Variants in TTC23L observed in about 807,000 individuals in gnomAD.
TTC23L encodes the protein tetratricopeptide repeat domain 23 like, also known as tetratricopeptide repeat protein 23-like.
A neutral mutation model predicts 48.1 loss-of-function variants in TTC23L; 42 were observed. The ratio of observed to expected loss-of-function variants is 0.87; its 90% CI spans 0.68 to 1.13. TTC23L has a LOEUF of 1.13. TTC23L is among the 50% of genes most tolerant of loss of function. The pLI is 0.00. For synonymous variants in TTC23L, 159 were observed against 157.2 expected (o/e 1.01, Z -0.09); for missense variants, 391 against 421.0 (o/e 0.93, Z 0.62).
intron 2 of TTC23L, among the ~76,000 whole-genome samples, chr5:34,845,087 A>T (rs187158836): frequency 6.6e-6 from 1 of 152,334 alleles, no homozygotes; most frequent in East Asian, 1.9e-4. Flanking sequence ...CCTGTCCTGG[A>T]GCTAATGATA....
rs559219208 is a variant in TTC23L at position 34,839,562 on chromosome 5, T to C, written c.-8+303T>C. The C allele has an allele frequency of 8.9e-4, 799 of 898,454 alleles. 3 individuals are homozygous for C. The highest frequency in any genetic ancestry group is 6.2e-3 in the South Asian group (122 of 19,626). 55.7% of individuals were successfully genotyped at this position (898,454 alleles called of 1,614,324 possible). On this transcript the variant is annotated intron_variant, in intron 1 of 10. Coordinates refer to ENST00000505624, the Ensembl canonical transcript of TTC23L. ...GGGAGTTTGAGAGATCAGAACTCTT[T>C]GCTGTGGGCATAGTGTTTAAAGTGG...
chr5:34,840,241 G>GC (rs937053351), intron 1 of TTC23L, among the ~76,000 whole-genome samples: 3 of 142,788 alleles, frequency 2.1e-5, no homozygotes, highest in South Asian at 2.4e-4. Flanking sequence ...TGACCCCGGG[G>GC]GGGGGGGGGA....
At chr5:34,882,566 C>G (rs1762290133) in intron 9 of TTC23L, among the ~76,000 whole-genome samples, 1 of 149,904 alleles carries the variant, frequency 6.7e-6, no homozygotes, top group East Asian at 2.0e-4. Flanking sequence ...CTAGGCCTGT[C>G]CTAGAGGACC....
the TTC23L span, chr5:34,918,240 A>G: frequency 1.9e-6 from 1 of 523,782 alleles, no homozygotes; most frequent in Non-Finnish European, 3.4e-6. Context: ...ACTTGAGCCC[A>G]GGAACTTGAA....
At chr5:34,890,304 G>C (rs962707962) in intron 9 of TTC23L, among the ~76,000 whole-genome samples, 1 of 151,740 alleles carries the variant, frequency 6.6e-6, no homozygotes, top group Non-Finnish European at 1.5e-5. Context: ...AATTAGCCAG[G>C]TGTGGTGGCA....
At chr5:34,910,617 AG>A in the TTC23L span, among the ~76,000 whole-genome samples, 1 of 151,970 alleles carries the variant, frequency 6.6e-6, no homozygotes, top group African/African-American at 2.4e-5. Context: ...TAGTAGAGAC[AG>A]GGTTTCACCA....
intron 9 of TTC23L, among the ~76,000 whole-genome samples, chr5:34,893,293 G>A (rs926838260): frequency 2.0e-5 from 3 of 152,140 alleles, no homozygotes; most frequent in Non-Finnish European, 4.4e-5. Flanking sequence ...AATCTTGGAG[G>A]ATTTCTAGGG....
intron 4 of TTC23L, among the ~76,000 whole-genome samples, 170 bp downstream of exon 4, chr5:34,850,478 G>C (rs530765957): frequency 6.6e-6 from 1 of 152,220 alleles, no homozygotes; most frequent in South Asian, 2.1e-4. Context: ...AAGGATCTAA[G>C]TAATAAAGAT....
the TTC23L span, among the ~76,000 whole-genome samples, chr5:34,924,643 A>T: frequency 2.0e-5 from 3 of 152,252 alleles, no homozygotes; most frequent in Non-Finnish European, 1.5e-5. Context: ...AACTCACTGA[A>T]AAAACATTTT....
chr5:34,914,654 G>C, the TTC23L span: 1 of 1,586,974 alleles, frequency 6.3e-7, no homozygotes, highest in Non-Finnish European at 8.7e-7. Context: ...ATTACATTTA[G>C]AGTATCTATG....
At chr5:34,908,762 T>A in the TTC23L span, 1 of 1,592,992 alleles carries the variant, frequency 6.3e-7, no homozygotes, top group Non-Finnish European at 8.5e-7. Context: ...TGAATTGTCA[T>A]ACTCAAGACT....
At chr5:34,882,839 A>T (rs1193465345) in intron 9 of TTC23L, among the ~76,000 whole-genome samples, 1 of 152,170 alleles carries the variant, frequency 6.6e-6, no homozygotes, top group Non-Finnish European at 1.5e-5. Flanking sequence ...TAGGGGTTTG[A>T]GACCAGCCTG....
chr5:34,913,967 G>A, the TTC23L span: 3 of 457,090 alleles, frequency 6.6e-6, no homozygotes, highest in Non-Finnish European at 1.3e-5. Flanking sequence ...CGATCTTCGT[G>A]CTTCAGCCTC....
At chr5:34,920,067 CTGTT>C in the TTC23L span, 210 of 413,816 alleles carry the variant, frequency 5.1e-4, no homozygotes, top group African/African-American at 4.0e-3. Flanking sequence ...TCATTCATTT[CTGTT>C]TGTTTTGTCT....
chr5:34,897,353 C>T (rs1763292949), intron 10 of TTC23L, among the ~76,000 whole-genome samples: 1 of 151,570 alleles, frequency 6.6e-6, no homozygotes, highest in Admixed American at 6.6e-5. Flanking sequence ...CACTGCACTA[C>T]AGCCTGGGCA....
At chr5:34,846,620 C>CACACATAT (rs1759197889) in intron 3 of TTC23L, among the ~76,000 whole-genome samples, 1 of 136,460 alleles carries the variant, frequency 7.3e-6, no homozygotes, top group South Asian at 2.3e-4. Context: ...TATATATACA[C>CACACATAT]ACACATATAC....
At chr5:34,850,513 G>C (rs760417712) in intron 4 of TTC23L, among the ~76,000 whole-genome samples, 1 of 152,176 alleles carries the variant, frequency 6.6e-6, no homozygotes, top group East Asian at 1.9e-4. Flanking sequence ...CAGTTATTGA[G>C]TATTTAGCAT....
At chr5:34,849,327 GAATTC>G (rs1759474818) in intron 3 of TTC23L, among the ~76,000 whole-genome samples, 1 of 152,126 alleles carries the variant, frequency 6.6e-6, no homozygotes, top group Non-Finnish European at 1.5e-5. Context: ...GTAAAAAAAA[GAATTC>G]AAAGCTGAAA....
intron 9 of TTC23L, 75 bp downstream of exon 9, chr5:34,880,383 T>G: frequency 1.4e-6 from 2 of 1,442,910 alleles, no homozygotes; most frequent in South Asian, 1.4e-5. Context: ...ATCTTACAAT[T>G]CAGATACTGG....
Sources: allele counts gnomAD v4.1 joint callset (sites outside exome capture counted in the v4.1 genomes callset), GRCh38; gene constraint gnomAD v4.1.1; transcripts MANE v1.5; gene names NCBI Gene and HGNC (gene_info 2026-07-23, HGNC 2026-07-21).